Variants in ZNF592 observed in about 807,000 individuals in gnomAD.
The protein encoded by ZNF592 is zinc finger protein 592.
In ZNF592, 11 loss-of-function variants were observed where a neutral mutation model predicts 80.3. That is an observed-to-expected ratio of 0.14 (90% confidence interval 0.09 to 0.23). The LOEUF (loss-of-function observed/expected upper bound fraction) is 0.23, where lower values mean the gene tolerates loss of function less well. Among genes scored for constraint, ZNF592 ranks in the 10% least tolerant of loss-of-function variants. The pLI, the probability that ZNF592 is intolerant of heterozygous loss-of-function variation, is 1.00. For synonymous variants in ZNF592, 646 were observed against 640.3 expected, an observed-to-expected ratio of 1.01 and a Z score of -0.13; for missense variants, 1,420 against 1,633.9, an observed-to-expected ratio of 0.87 and a Z score of 2.26.
chr15:84,762,820 C>T (rs1454573189), intron 1 of ZNF592, among the ~76,000 whole-genome samples: 1 of 152,190 alleles, frequency 6.6e-6, no homozygotes, highest in African/African-American at 2.4e-5. Context: ...CTCTGGGCCT[C>T]AGTTTCCTTG....
rs768139706 is a variant in ZNF592, at chr15:84,782,917, C to T, written c.242C>T (p.Ala81Val). The T allele has an allele frequency of 3.8e-5, 62 of 1,614,078 alleles. No individual in the cohort carries two copies. Among genetic ancestry groups the T allele is most frequent in the South Asian group, 1.6e-4 (15 of 91,084 alleles). Residue 81 changes from alanine to valine, a missense_variant, in exon 4 of 11, where the codon GCG (alanine) becomes GTG (valine). By Grantham distance (64) the Ala-to-Val change is moderately conservative. Around this residue, in one of 7 missense-constraint regions of ZNF592, gnomAD observed 373 missense variants for 355.5 expected, o/e 1.05. Transcript: ENST00000560079. Reference protein sequence around the residue: ...KNTSRQESFEAEKDHITPSLL... With the variant: ...KNTSRQESFEVEKDHITPSLL... Reference sequence around the variant, plus strand: ...ACCAGCCGCCAGGAGTCATTTGAAGCGGAGAAAGACCACATTACTCCCAGT... The same window carrying T: ...ACCAGCCGCCAGGAGTCATTTGAAGTGGAGAAAGACCACATTACTCCCAGT...
intron 1 of ZNF592, among the ~76,000 whole-genome samples, chr15:84,764,072 C>T (rs1415712135): frequency 3.3e-5 from 5 of 152,210 alleles, no homozygotes; most frequent in Admixed American, 6.5e-5. Flanking sequence ...TATCTGCCCC[C>T]GCCATGATTT....
intron 1 of ZNF592, among the ~76,000 whole-genome samples, chr15:84,750,067 C>T (rs1461205472): frequency 1.3e-5 from 2 of 152,162 alleles, no homozygotes; most frequent in African/African-American, 2.4e-5. Flanking sequence ...TTTGGGAGGC[C>T]GAGGCGGGTG....
rs1963225164 is a variant in ZNF592 at position 84,805,941 on chromosome 15, T to C, written c.*3548T>C. 6.6e-6 allele frequency: 1 copy of C among 152,622 alleles called. No individual in the cohort carries two copies. The highest frequency in any genetic ancestry group is 2.1e-4 in the South Asian group (1 of 4,836). The allele number at this position is 152,622 out of a possible 1,614,324, so 9.5% of individuals were successfully genotyped here. The stretch of plus-strand genomic sequence containing the variant: ...AAGTTTATAAATATGTATATTTATA[T>C]ATCTATTTTTAATACAAATAGTAGA... On this transcript the variant is annotated 3_prime_UTR_variant, in exon 11 of 11. Coordinates refer to ENST00000560079, the MANE Select transcript of ZNF592 (RefSeq NM_014630.3).
chr15:84,783,260 T>A lies in ZNF592; in HGVS notation c.585T>A (p.His195Gln). The A allele has an allele frequency of 6.2e-7, 1 of 1,614,204 alleles. No homozygotes were observed. The highest frequency in any genetic ancestry group is 1.7e-5 in the Admixed American group (1 of 60,032). Reference protein sequence around the residue: ...ALAKFPVPELHMFDHFCKKEP... With the variant: ...ALAKFPVPELQMFDHFCKKEP... ...CTAAGTTTCCGGTTCCAGAGCTGCATATGTTTGATCATTTTTGTAAGAAAG... is the reference window on the plus strand; with the variant it reads ...CTAAGTTTCCGGTTCCAGAGCTGCAAATGTTTGATCATTTTTGTAAGAAAG... The change falls in exon 4 of 11, where the codon CAT becomes CAA. Residue 195 changes from histidine (H) to glutamine (Q), a missense_variant. Coordinates refer to ENST00000560079, the MANE Select transcript of ZNF592 (RefSeq NM_014630.3). This position sits in a 1 kb window ranked among gnomAD's most constrained non-coding sequence, Gnocchi z 5.0.
chr15:84,792,398 C>G (rs533924994), intron 5 of ZNF592, among the ~76,000 whole-genome samples: 1 of 152,180 alleles, frequency 6.6e-6, no homozygotes, highest in African/African-American at 2.4e-5. Context: ...GGGAAGCTAA[C>G]ACGTATATTA....
intron 2 of ZNF592, among the ~76,000 whole-genome samples, chr15:84,770,011 CAAG>C (rs1484996701): frequency 2.0e-5 from 3 of 152,160 alleles, no homozygotes; most frequent in African/African-American, 7.2e-5. Context: ...AGGGTGGAAG[CAAG>C]AAGATCAGTT....
At position 84,802,299 on chromosome 15, in the gene ZNF592, G is replaced by T. The variant is rs1475877993; in HGVS notation, c.3710G>T (p.Gly1237Val). 1 of 1,613,298 alleles carries T rather than the reference G, an allele frequency of 6.2e-7. No homozygotes were observed. The highest frequency in any genetic ancestry group is 8.5e-7 in the Non-Finnish European group (1 of 1,179,598). Residue 1237 changes from glycine to valine, a missense_variant, in exon 11 of 11, where the codon GGC (glycine) becomes GTC (valine). By Grantham distance (109) the Gly-to-Val change is moderately radical. This residue lies in a region of ZNF592 where 145 missense variants were observed against 211.9 expected (regional missense o/e 0.68). Transcript: ENST00000560079. Reference protein sequence around the residue: ...SADPEARRLLGPAPEDDGGHN... With the variant: ...SADPEARRLLVPAPEDDGGHN... ...GACCCAGAGGCGAGGAGATTGCTGG[G>T]CCCGGCCCCTGAGGACGATGGTGGC...
intron 1 of ZNF592, among the ~76,000 whole-genome samples, chr15:84,755,695 A>C (rs933229791): frequency 1.3e-5 from 2 of 152,224 alleles, no homozygotes; most frequent in African/African-American, 4.8e-5. Flanking sequence ...ACAAACAAGC[A>C]TCCTATAAGC....
chr15:84,768,318 A>G (rs1352846172), intron 2 of ZNF592, among the ~76,000 whole-genome samples: 1 of 146,304 alleles, frequency 6.8e-6, no homozygotes, highest in East Asian at 2.0e-4. Flanking sequence ...GCTCACTACA[A>G]CCTCTGCCTC....
chr15:84,796,261 TATA>T (rs1567076274), intron 5 of ZNF592, among the ~76,000 whole-genome samples: 81 of 43,540 alleles, frequency 1.9e-3, no homozygotes, highest in African/African-American at 5.2e-3. Context: ...TATATATATA[TATA>T]TTTTATATAT....
At chr15:84,758,132 C>T (rs1206977183) in intron 1 of ZNF592, among the ~76,000 whole-genome samples, 1 of 151,408 alleles carries the variant, frequency 6.6e-6, no homozygotes, top group Non-Finnish European at 1.5e-5. Context: ...GCCACCACAC[C>T]CGGCTAATTT....
At chr15:84,756,158 C>T (rs1899163790) in intron 1 of ZNF592, among the ~76,000 whole-genome samples, 2 of 152,218 alleles carry the variant, frequency 1.3e-5, no homozygotes, top group Admixed American at 1.3e-4. Context: ...GTAACCCTCA[C>T]ATGCATTCCT....
At chr15:84,762,205 C>T (rs576190791) in intron 1 of ZNF592, among the ~76,000 whole-genome samples, 2 of 152,262 alleles carry the variant, frequency 1.3e-5, no homozygotes, top group East Asian at 1.9e-4. Context: ...TCTTATAGGG[C>T]TCATTCTGGT....
chr15:84,768,399 G>A (rs1899600278), intron 2 of ZNF592, among the ~76,000 whole-genome samples: 1 of 151,458 alleles, frequency 6.6e-6, no homozygotes, highest in Admixed American at 6.6e-5. Context: ...CACCACACCT[G>A]GCTAATTTTT....
rs1409239282 is a variant in ZNF592 at position 84,782,851 on chromosome 15, C to T, written c.176C>T (p.Ser59Leu). 4 of 1,614,180 alleles carry T rather than the reference C, an allele frequency of 2.5e-6. No individual in the cohort carries two copies. The highest frequency in any genetic ancestry group is 3.4e-6 in the Non-Finnish European group (4 of 1,180,044). Residue 59 changes from serine (S) to leucine (L), a missense_variant, in exon 4 of 11, where the codon TCA (serine) becomes TTA (leucine). Around this residue, in one of 7 missense-constraint regions of ZNF592, gnomAD observed 373 missense variants for 355.5 expected, o/e 1.05. Transcript: ENST00000560079. ...AGTGTGTCCTTGTCTCACTCAGGATCAGCCCCCGATGTGCCGGCCGTGAGT... is the reference window on the plus strand; with the variant it reads ...AGTGTGTCCTTGTCTCACTCAGGATTAGCCCCCGATGTGCCGGCCGTGAGT... ...DESVSLSHSGSAPDVPAVSVI... is the reference protein window; with the variant it reads ...DESVSLSHSGLAPDVPAVSVI...
At chr15:84,761,262 G>A (rs771656243) in intron 1 of ZNF592, among the ~76,000 whole-genome samples, 10 of 152,144 alleles carry the variant, frequency 6.6e-5, no homozygotes, top group Admixed American at 2.6e-4. Flanking sequence ...CACCATGCCC[G>A]GCCCAGGGAG....
Position 84,782,650 on chromosome 15 carries a change from G to T in ZNF592, c.-19-7G>T. 6.2e-7 allele frequency: 1 copy of T among 1,613,828 alleles called. No individual in the cohort carries two copies. Reference sequence around the variant, plus strand: ...GTCACTGATTCTGTTTTCTGTTTCTGTTACAGCCCTTGCCAGCATCCAGCC... The same window carrying T: ...GTCACTGATTCTGTTTTCTGTTTCTTTTACAGCCCTTGCCAGCATCCAGCC... On this transcript the variant is annotated splice_region_variant and splice_polypyrimidine_tract_variant and intron_variant, in intron 3 of 10. Transcript: ENST00000560079.
chr15:84,773,243 G>A (rs909692124), intron 2 of ZNF592, among the ~76,000 whole-genome samples: 5 of 137,342 alleles, frequency 3.6e-5, no homozygotes, highest in African/African-American at 1.3e-4. Flanking sequence ...ACGGAGTCTC[G>A]CTCTGTCGGC....
Sources: allele counts gnomAD v4.1 joint callset (sites outside exome capture counted in the v4.1 genomes callset), GRCh38; gene constraint gnomAD v4.1.1; regional missense constraint gnomAD v4.1.1; non-coding constraint Gnocchi (gnomAD v3.1); transcripts MANE v1.5; gene names NCBI Gene and HGNC (gene_info 2026-07-23, HGNC 2026-07-21).